Variants in RHO observed in about 807,000 individuals in gnomAD.
RHO encodes rhodopsin, also known as opsin 2, rod pigment.
In RHO, 21 loss-of-function variants were observed where a neutral mutation model predicts 31.2. That is an observed-to-expected ratio of 0.67 (90% CI 0.48 to 0.97). The LOEUF (loss-of-function observed/expected upper bound fraction) is 0.97, where lower values mean the gene tolerates loss of function less well. Ranked by LOEUF, RHO falls within the 50% of genes least tolerant of loss-of-function variation. The pLI is 0.00. For synonymous variants in RHO, 211 were observed against 196.6 expected (o/e 1.07, Z -0.61); for missense variants, 414 against 479.5 (o/e 0.86, Z 1.28).
Position 129,532,192 on chromosome 3 carries a change from C to A in RHO, c.531-59C>A, listed in dbSNP as rs2084785038. 1 of 1,468,402 alleles carries A rather than the reference C, an allele frequency of 6.8e-7. No homozygotes were observed. Among genetic ancestry groups the A allele is most frequent in the Non-Finnish European group, 9.5e-7 (1 of 1,047,864 alleles). 91.0% of individuals were successfully genotyped at this position (1,468,402 alleles called of 1,614,324 possible). ...CCCAGAAAGGGCCAGCGCTCGGCAG[C>A]CACCTTGGCTGTTCCCAAGTCCCTC... On this transcript the variant is annotated intron_variant, in intron 2 of 4. Transcript: ENST00000296271. The surrounding 1 kb of genome is among the most constrained non-coding windows in gnomAD (Gnocchi z 5.5).
Position 129,530,532 on chromosome 3 carries a change from C to A in RHO, c.362-344C>A, listed in dbSNP as rs370601606. 8.5e-3 allele frequency among the ~76,000 whole-genome samples: 746 copies of A among 87,456 alleles called. 2 individuals carry two copies. Among genetic ancestry groups the A allele is most frequent in the African/African-American group, 0.048 (408 of 8,440 alleles). 57.4% of individuals were successfully genotyped at this position (87,456 alleles called of 152,430 possible). ...ACACACACACACACACACACACACA[C>A]AACACACACACACACACACACACAC... is the stretch of plus-strand genomic sequence containing the variant. On this transcript the variant is annotated intron_variant, in intron 1 of 4. Coordinates refer to ENST00000296271, the MANE Select transcript of RHO (RefSeq NM_000539.3).
chr3:129,533,252 T>C (rs1256356401), intron 4 of RHO, among the ~76,000 whole-genome samples: 2 of 152,230 alleles, frequency 1.3e-5, no homozygotes, highest in African/African-American at 4.8e-5. Flanking sequence ...TGTATGGCCC[T>C]GGGCAAGTCA....
rs752695098 is a variant in RHO, at chr3:129,531,061, G to A, written c.530+17G>A. The A allele has an allele frequency of 6.2e-6, 10 of 1,611,678 alleles. No individual in the cohort carries two copies. In the South Asian group the frequency reaches 1.1e-4, roughly 18 times the overall value. On this transcript the variant is annotated intron_variant, in intron 2 of 4. Coordinates refer to ENST00000296271, the MANE Select transcript of RHO (RefSeq NM_000539.3). ...CTGGTCCAGGTAATGGCACTGAGCA[G>A]AAGGGAAGAAGCTCCGGGGGCTCTT...
In RHO at chr3:129,533,801, C is replaced by A; in HGVS notation, c.*83C>A. On this transcript the variant is annotated 3_prime_UTR_variant, in exon 5 of 5. Transcript: ENST00000296271. ...CCAGCCACAGCCATCCCACCAGGAG[C>A]AGCGCCTGTGCAGAATGAACGAAGT... 2 of 971,560 alleles carry A rather than the reference C, an allele frequency of 2.1e-6. No individual in the cohort carries two copies. Among genetic ancestry groups the A allele is most frequent in the African/African-American group, 1.6e-5 (1 of 62,908 alleles). The allele number at this position is 971,560 out of a possible 1,614,324, so 60.2% of individuals were successfully genotyped here. A position where few individuals can be genotyped will look rare whatever the true frequency, so the allele number is the denominator to read the frequency against.
chr3:129,531,136 C>A, intron 2 of RHO, 92 bp downstream of exon 2: 1 of 1,474,544 alleles, frequency 6.8e-7, no homozygotes, highest in Non-Finnish European at 9.3e-7. Flanking sequence ...TGGTTCCAGG[C>A]ACTGACCTTG....
Position 129,532,197 on chromosome 3 carries a change from T to C in RHO, c.531-54T>C. 6.6e-7 allele frequency: 1 copy of C among 1,519,846 alleles called. No individual in the cohort carries two copies. Among genetic ancestry groups the C allele is most frequent in the Non-Finnish European group, 9.1e-7 (1 of 1,094,538 alleles). 94.1% of individuals were successfully genotyped at this position (1,519,846 alleles called of 1,614,324 possible). A position where few individuals can be genotyped will look rare whatever the true frequency, so the allele number is the denominator to read the frequency against. On this transcript the variant is annotated intron_variant, in intron 2 of 4. Coordinates refer to ENST00000296271, the MANE Select transcript of RHO (RefSeq NM_000539.3). The surrounding 1 kb of genome is among the most constrained non-coding windows in gnomAD (Gnocchi z 5.5). Reference sequence around the variant, plus strand: ...AAAGGGCCAGCGCTCGGCAGCCACCTTGGCTGTTCCCAAGTCCCTCACAGG... The same window carrying C: ...AAAGGGCCAGCGCTCGGCAGCCACCCTGGCTGTTCCCAAGTCCCTCACAGG...
At chr3:129,533,390 C>T (rs116351742) in intron 4 of RHO, among the ~76,000 whole-genome samples, 10 of 152,332 alleles carry the variant, frequency 6.6e-5, no homozygotes, top group East Asian at 1.9e-4. Flanking sequence ...TGAAATGTCA[C>T]GGGTGACACA....
chr3:129,531,575 C>T (rs1431359617), intron 2 of RHO, among the ~76,000 whole-genome samples: 3 of 152,134 alleles, frequency 2.0e-5, no homozygotes, highest in African/African-American at 7.2e-5. Context: ...CAGAAAATTC[C>T]CACTCTCACT....
Position 129,532,118 on chromosome 3 carries a change from A to C in RHO, c.531-133A>C. The stretch of plus-strand genomic sequence containing the variant: ...TCTGATCCATTCCATCCTGTCACCC[A>C]GCCATGCAGACGTTTATGATCCCCT... On this transcript the variant is annotated intron_variant, in intron 2 of 4. Coordinates refer to ENST00000296271, the MANE Select transcript of RHO (RefSeq NM_000539.3). This position sits in a 1 kb window ranked among gnomAD's most constrained non-coding sequence, Gnocchi z 5.5. 1.4e-6 allele frequency: 1 copy of C among 698,182 alleles called. No homozygotes were observed. Among genetic ancestry groups the C allele is most frequent in the Non-Finnish European group, 2.6e-6 (1 of 390,090 alleles). 43.2% of individuals were successfully genotyped at this position (698,182 alleles called of 1,614,324 possible). A position where few individuals can be genotyped will look rare whatever the true frequency, so the allele number is the denominator to read the frequency against.
intron 1 of RHO, among the ~76,000 whole-genome samples, chr3:129,530,549 C>A (rs1024704718): frequency 1.3e-5 from 2 of 151,514 alleles, no homozygotes; most frequent in African/African-American, 4.9e-5. Flanking sequence ...CACACACACA[C>A]ACACACACAC....
chr3:129,533,618 G>A lies in RHO; in HGVS notation c.947G>A (p.Cys316Tyr), dbSNP rs1396630102. The change falls in exon 5 of 5, where the codon TGC (cysteine) becomes TAC (tyrosine). Residue 316 changes from cysteine (C) to tyrosine (Y), a missense_variant. Coordinates refer to ENST00000296271, the MANE Select transcript of RHO (RefSeq NM_000539.3). ...CCTCTTGCCTTCCAGTTCCGGAACTGCATGCTCACCACCATCTGCTGCGGC... is the reference window on the plus strand; with the variant it reads ...CCTCTTGCCTTCCAGTTCCGGAACTACATGCTCACCACCATCTGCTGCGGC... ...YIMMNKQFRN[C>Y]MLTTICCGKN... The A allele has an allele frequency of 6.2e-7, 1 of 1,613,698 alleles. No individual in the cohort carries two copies. The highest frequency in any genetic ancestry group is 2.2e-5 in the East Asian group (1 of 44,872).
In RHO at chr3:129,532,020, G is replaced by A. The variant is rs1022482420; in HGVS notation, c.531-231G>A. Among the ~76,000 whole-genome samples, 10 of 152,326 alleles carry A rather than the reference G, an allele frequency of 6.6e-5. No individual in the cohort carries two copies. Among genetic ancestry groups the A allele is most frequent in the African/African-American group, 2.4e-4 (10 of 41,572 alleles). ...GGCTGGGCATGCAGGGAGAGGCTGG[G>A]TGGTGTCATCTGGTAACGCAGCCAC... On this transcript the variant is annotated intron_variant, in intron 2 of 4. Coordinates refer to ENST00000296271, the MANE Select transcript of RHO (RefSeq NM_000539.3). The surrounding 1 kb of genome is among the most constrained non-coding windows in gnomAD (Gnocchi z 5.5).
Position 129,528,786 on chromosome 3 carries a change from G to A in RHO, c.53G>A (p.Gly18Asp), listed in dbSNP as rs200946638. 78 of 1,614,088 alleles carry A rather than the reference G, an allele frequency of 4.8e-5. No individual in the cohort carries two copies. The highest frequency in any genetic ancestry group is 1.4e-5 in the Non-Finnish European group (16 of 1,180,046). The change falls in exon 1 of 5, where the codon GGT (glycine) becomes GAT (aspartate). Residue 18 changes from glycine to aspartate, a missense_variant. Transcript: ENST00000296271. ...NFYVPFSNAT[G>D]VVRSPFEYPQ... ...TACGTGCCCTTCTCCAATGCGACGG[G>A]TGTGGTACGCAGCCCCTTCGAGTAC...
Position 129,533,642 on chromosome 3 carries a change from G to A in RHO, c.971G>A (p.Gly324Asp). 1 of 1,614,098 alleles carries A rather than the reference G, an allele frequency of 6.2e-7. No individual in the cohort carries two copies. Among genetic ancestry groups the A allele is most frequent in the Non-Finnish European group, 8.5e-7 (1 of 1,180,002 alleles). ...TGCATGCTCACCACCATCTGCTGCG[G>A]CAAGAACCCACTGGGTGACGATGAG... is the stretch of plus-strand genomic sequence containing the variant. ...RNCMLTTICCGKNPLGDDEAS... is the reference protein window; with the variant it reads ...RNCMLTTICCDKNPLGDDEAS... Residue 324 changes from glycine (G) to aspartate (D), a missense_variant, in exon 5 of 5, where the codon GGC (glycine) becomes GAC (aspartate). By Grantham distance (94) the Gly-to-Asp change is moderately conservative (BLOSUM62 -1). Coordinates refer to ENST00000296271, the MANE Select transcript of RHO (RefSeq NM_000539.3).
rs2084789744 is a variant in RHO, at chr3:129,532,650, G to A, written c.814G>A (p.Ala272Thr). The change falls in exon 4 of 5, where the codon GCA becomes ACA. Residue 272 changes from alanine to threonine, a missense_variant. Coordinates refer to ENST00000296271, the MANE Select transcript of RHO (RefSeq NM_000539.3). This position sits in a 1 kb window ranked among gnomAD's most constrained non-coding sequence, Gnocchi z 5.5. Reference protein sequence around the residue: ...LICWVPYASVAFYIFTHQGSN... With the variant: ...LICWVPYASVTFYIFTHQGSN... ...CTGCTGGGTGCCCTACGCCAGCGTG[G>A]CATTCTACATCTTCACCCACCAGGG... is the stretch of plus-strand genomic sequence containing the variant. 2.5e-6 allele frequency: 4 copies of A among 1,614,250 alleles called. No homozygotes were observed. Among genetic ancestry groups the A allele is most frequent in the Non-Finnish European group, 3.4e-6 (4 of 1,180,044 alleles).
rs1376126715 is a variant in RHO at position 129,532,703 on chromosome 3, C to T, written c.867C>T (p.Thr289=). 2 of 1,614,258 alleles carry T rather than the reference C, an allele frequency of 1.2e-6. No individual in the cohort carries two copies. Among genetic ancestry groups the T allele is most frequent in the Middle Eastern group, 1.6e-4 (1 of 6,062 alleles). The part of the protein sequence containing the change: ...QGSNFGPIFM[T]IPAFFAKSAA... Reference sequence around the variant, plus strand: ...CCAACTTCGGTCCCATCTTCATGACCATCCCAGCGTTCTTTGCCAAGAGCG... The same window carrying T: ...CCAACTTCGGTCCCATCTTCATGACTATCCCAGCGTTCTTTGCCAAGAGCG... Residue 289 remains threonine, a synonymous_variant, in exon 4 of 5, where the codon ACC becomes ACT. Coordinates refer to ENST00000296271, the MANE Select transcript of RHO (RefSeq NM_000539.3). This position sits in a 1 kb window ranked among gnomAD's most constrained non-coding sequence, Gnocchi z 5.5.
In RHO at chr3:129,533,712, G is replaced by T; in HGVS notation, c.1041G>T (p.Pro347=). 1.2e-6 allele frequency: 2 copies of T among 1,611,526 alleles called. No homozygotes were observed. Among genetic ancestry groups the T allele is most frequent in the Admixed American group, 1.7e-5 (1 of 60,020 alleles). ...AGACGGAGACGAGCCAGGTGGCCCCGGCCTAAGACCTGCCTAGGACTCTGT... is the reference window on the plus strand; with the variant it reads ...AGACGGAGACGAGCCAGGTGGCCCCTGCCTAAGACCTGCCTAGGACTCTGT... ...VSKTETSQVA[P]A Residue 347 remains proline (P), a synonymous_variant, in exon 5 of 5, where the codon CCG becomes CCT. Coordinates refer to ENST00000296271, the MANE Select transcript of RHO (RefSeq NM_000539.3).
intron 1 of RHO, among the ~76,000 whole-genome samples, chr3:129,529,442 C>T (rs73204245): frequency 0.078 from 11,888 of 152,310 alleles, 531 homozygotes; most frequent in South Asian, 0.11. Context: ...GCATCTATCT[C>T]GGGCCATGTT....
intron 4 of RHO, 148 bp from the exon 5 acceptor site, chr3:129,533,460 C>T: frequency 1.3e-6 from 1 of 742,396 alleles, no homozygotes. Flanking sequence ...CTAGCAGGTT[C>T]CCTCCAGGAA....
Sources: gnomAD v4.1 joint callset for allele counts (sites outside exome capture counted in the v4.1 genomes callset) on GRCh38, gnomAD v4.1.1 for gene constraint, Gnocchi (gnomAD v3.1) non-coding constraint, MANE v1.5 for transcripts, NCBI Gene and HGNC (gene_info 2026-07-23, HGNC 2026-07-21) for gene names.